MCCC1: variants seen among roughly 807,000 people sequenced by gnomAD.
MCCC1 encodes methylcrotonoyl-CoA carboxylase subunit alpha, mitochondrial.
In MCCC1, 64 loss-of-function variants were observed where a neutral mutation model predicts 83.8. That is an observed-to-expected ratio of 0.76 (90% confidence interval 0.62 to 0.94). The LOEUF (loss-of-function observed/expected upper bound fraction) is 0.94. MCCC1 is among the 40% of genes least tolerant of loss of function. The pLI, the probability that MCCC1 is intolerant of heterozygous loss-of-function variation, is 0.00. For synonymous variants in MCCC1, 322 were observed against 315.4 expected (o/e 1.02, Z -0.22); for missense variants, 807 against 904.7 (o/e 0.89, Z 1.39).
chr3:183,092,586 G>C (rs778319022), intron 2 of MCCC1, 41 bp from the exon 3 acceptor site: 1 of 1,612,564 alleles, frequency 6.2e-7, no homozygotes, highest in Admixed American at 1.7e-5. Flanking sequence ...AATGTTACTG[G>C]AGAGCAAAGA....
At chr3:183,077,261 T>C (rs1717145609) in intron 4 of MCCC1, among the ~76,000 whole-genome samples, 1 of 152,224 alleles carries the variant, frequency 6.6e-6, no homozygotes, top group African/African-American at 2.4e-5. Context: ...ACTGAAGAAG[T>C]AGAGTTACTA....
At position 183,063,900 on chromosome 3, in the gene MCCC1, G is replaced by A. The variant is rs143626761; in HGVS notation, c.762-6478C>T. ...TTGGGTAAGCGGGGTGCATACACCC[G>A]GGCAAAGGATAGGATTGGGTTACAG... On this transcript the variant is annotated intron_variant, in intron 7 of 18. Transcript: ENST00000265594. Among the ~76,000 whole-genome samples, 778 of 152,246 alleles carry A rather than the reference G, an allele frequency of 5.1e-3. 4 individuals are homozygous for A. The highest frequency in any genetic ancestry group is 0.018 in the African/African-American group (747 of 41,550).
intron 14 of MCCC1, among the ~76,000 whole-genome samples, chr3:183,030,412 G>A (rs993321063): frequency 3.3e-5 from 5 of 151,980 alleles, no homozygotes; most frequent in Admixed American, 6.6e-5. Flanking sequence ...CCTTCACTAC[G>A]CTGCTGGTGC....
intron 1 of MCCC1, among the ~76,000 whole-genome samples, chr3:183,110,251 A>T (rs1719471159): frequency 6.6e-6 from 1 of 152,164 alleles, no homozygotes; most frequent in South Asian, 2.1e-4. Context: ...TAGTTTAATT[A>T]GGTCCTACCT....
chr3:183,101,015 C>T (rs967885275), upstream of MCCC1, among the ~76,000 whole-genome samples: 10 of 152,260 alleles, frequency 6.6e-5, no homozygotes, highest in African/African-American at 2.2e-4. Context: ...CTGCTGACCC[C>T]GGGCAATGGG....
At chr3:183,067,001 T>C (rs971962930) in intron 7 of MCCC1, among the ~76,000 whole-genome samples, 15 of 152,266 alleles carry the variant, frequency 9.9e-5, no homozygotes, top group South Asian at 4.1e-4. Context: ...CTTACGGCAA[T>C]ATAGTTATTT....
chr3:183,042,449 T>C (rs2108481021), intron 10 of MCCC1, among the ~76,000 whole-genome samples: 1 of 152,340 alleles, frequency 6.6e-6, no homozygotes, highest in East Asian at 1.9e-4. Flanking sequence ...CTTTCTCTCT[T>C]TACTCTTAAG....
intron 4 of MCCC1, among the ~76,000 whole-genome samples, chr3:183,073,050 G>C (rs1716814570): frequency 6.6e-6 from 1 of 152,114 alleles, no homozygotes; most frequent in African/African-American, 2.4e-5. Context: ...TATCCAGTTT[G>C]TACACATTTT....
chr3:183,077,575 T>A (rs77251784), intron 4 of MCCC1, among the ~76,000 whole-genome samples: 4,081 of 152,242 alleles, frequency 0.027, 187 homozygotes, highest in African/African-American at 0.092. Context: ...CTCATTTTTT[T>A]AAAAAATTAG....
rs746622722 is a variant in MCCC1 at position 183,015,511 on chromosome 3, C to T, written c.2105G>A (p.Gly702Asp). 1.2e-6 allele frequency: 2 copies of T among 1,614,006 alleles called. No individual in the cohort carries two copies. The highest frequency in any genetic ancestry group is 2.7e-5 in the African/African-American group (2 of 74,912). Residue 702 changes from glycine (G) to aspartate (D), a missense_variant, in exon 19 of 19, where the codon GGT becomes GAT. Coordinates refer to ENST00000265594, the MANE Select transcript of MCCC1 (RefSeq NM_020166.5). The stretch of plus-strand genomic sequence containing the variant: ...AGGAGTGTGTCTGTTGGCCTGAGCA[C>T]CTTCTCTGTAGAACACTTTCTTTAC... ...GTVKKVFYRE[G>D]AQANRHTPLV...
intron 8 of MCCC1, among the ~76,000 whole-genome samples, chr3:183,054,409 G>C (rs1715256637): frequency 6.6e-6 from 1 of 150,712 alleles, no homozygotes; most frequent in South Asian, 2.1e-4. Context: ...GGATGGTCTC[G>C]ATCTCCTGAC....
intron 7 of MCCC1, among the ~76,000 whole-genome samples, chr3:183,067,148 C>T (rs1281615618): frequency 1.3e-5 from 2 of 152,076 alleles, no homozygotes; most frequent in African/African-American, 4.8e-5. Context: ...CAATAAAAGC[C>T]CCTGGGGAAA....
At chr3:183,057,227 C>T (rs1715486854) in intron 8 of MCCC1, 84 bp downstream of exon 8, 4 of 1,139,476 alleles carry the variant, frequency 3.5e-6, no homozygotes, top group South Asian at 1.3e-5. Flanking sequence ...GTGAGAGACA[C>T]CAGATTCACA....
At chr3:183,016,419 T>TG (rs1711628901) in intron 18 of MCCC1, 1 of 151,360 alleles carries the variant, frequency 6.6e-6, no homozygotes, top group Non-Finnish European at 1.5e-5. Context: ...TTAATAGAGA[T>TG]GGGGTCTCAC....
intron 9 of MCCC1, among the ~76,000 whole-genome samples, chr3:183,046,931 G>A (rs1048594515): frequency 6.6e-6 from 1 of 152,158 alleles, no homozygotes; most frequent in East Asian, 1.9e-4. Context: ...ACAAATTCCT[G>A]GTAGCTCAGT....
intron 17 of MCCC1, 51 bp downstream of exon 17, chr3:183,020,079 G>A (rs554001076): frequency 2.9e-6 from 4 of 1,377,720 alleles, no homozygotes; most frequent in South Asian, 2.3e-5. Context: ...GTTTAACAAA[G>A]CCACGTATTA....
intron 14 of MCCC1, among the ~76,000 whole-genome samples, chr3:183,031,944 C>T (rs902239482): frequency 1.3e-5 from 2 of 151,976 alleles, no homozygotes; most frequent in African/African-American, 4.8e-5. Flanking sequence ...GCTGAGATTA[C>T]AGGTGTGAGC....
At chr3:183,113,269 G>T (rs1719531050) in intron 1 of MCCC1, among the ~76,000 whole-genome samples, 1 of 151,422 alleles carries the variant, frequency 6.6e-6, no homozygotes, top group African/African-American at 2.4e-5. Flanking sequence ...GGGAGCCTGT[G>T]GTTCCAGCTA....
chr3:183,026,674 C>CA (rs1273227584), intron 14 of MCCC1, among the ~76,000 whole-genome samples: 1 of 152,080 alleles, frequency 6.6e-6, no homozygotes, highest in East Asian at 1.9e-4. Context: ...CGCACCACTG[C>CA]ACTCCAGCCT....
Sources: allele counts gnomAD v4.1 joint callset (sites outside exome capture counted in the v4.1 genomes callset), GRCh38; gene constraint gnomAD v4.1.1; transcripts MANE v1.5; gene names NCBI Gene and HGNC (gene_info 2026-07-23, HGNC 2026-07-21).